VRK1: variants seen among roughly 807,000 people sequenced by gnomAD.
VRK1 encodes VRK serine/threonine kinase 1.
In VRK1, 33 loss-of-function variants were observed where a neutral mutation model predicts 57.1. The observed-to-expected ratio is 0.58, with a 90% CI of 0.44 to 0.77. The LOEUF (loss-of-function observed/expected upper bound fraction) is 0.77, where lower values mean the gene tolerates loss of function less well. VRK1 is among the 30% of genes least tolerant of loss of function. The probability of loss-of-function intolerance (pLI) is 0.00; values close to 1 mark genes in which losing one functional copy is unlikely to be tolerated. For synonymous variants in VRK1, 137 were observed against 147.8 expected, an observed-to-expected ratio of 0.93 and a Z score of 0.53; for missense variants, 413 against 477.3, an observed-to-expected ratio of 0.87 and a Z score of 1.25.
In VRK1 at chr14:96,860,631, G is replaced by A; in HGVS notation, c.964G>A (p.Asp322Asn). The A allele has an allele frequency of 6.2e-7, 1 of 1,613,254 alleles. No homozygotes were observed. The highest frequency in any genetic ancestry group is 8.5e-7 in the Non-Finnish European group (1 of 1,179,482). The stretch of plus-strand genomic sequence containing the variant: ...AAAACCTCTTTATGAAAATTTACGT[G>A]ACATTCTTTTGCAAGGACTAAAAGC... ...TEKPLYENLR[D>N]ILLQGLKAIG... Residue 322 changes from aspartate to asparagine, a missense_variant, in exon 11 of 13, where the codon GAC becomes AAC. By Grantham distance (23) the Asp-to-Asn change is conservative. Around this residue, in one of 3 missense-constraint regions of VRK1, gnomAD observed 146 missense variants for 138.2 expected, o/e 1.06. Transcript: ENST00000216639.
At position 96,833,622 on chromosome 14, in the gene VRK1, A is replaced by G. The variant is rs1237038231; in HGVS notation, c.151A>G (p.Ile51Val). 14 of 1,613,538 alleles carry G rather than the reference A, an allele frequency of 8.7e-6. No individual in the cohort carries two copies. The highest frequency in any genetic ancestry group is 1.6e-4 in the Middle Eastern group (1 of 6,082). The change falls in exon 2 of 13, where the codon ATA becomes GTA. Residue 51 changes from isoleucine to valine, a missense_variant. Around this residue, in one of 3 missense-constraint regions of VRK1, gnomAD observed 116 missense variants for 113.6 expected, o/e 1.02. Coordinates refer to ENST00000216639, the MANE Select transcript of VRK1 (RefSeq NM_003384.3). The part of the protein sequence containing the change: ...LPIGQGGFGC[I>V]YLADMNSSES... ...CATTGGCCAAGGAGGCTTTGGCTGTATATATCTTGGTAAGTGTGTGACTGC... is the reference window on the plus strand; with the variant it reads ...CATTGGCCAAGGAGGCTTTGGCTGTGTATATCTTGGTAAGTGTGTGACTGC...
intron 10 of VRK1, among the ~76,000 whole-genome samples, chr14:96,858,191 A>G (rs557659353): frequency 6.6e-6 from 1 of 152,224 alleles, no homozygotes; most frequent in East Asian, 1.9e-4. Context: ...TCCTGAGCTC[A>G]AGAGATCTTC....
chr14:96,822,663 A>T (rs1341521095), intron 1 of VRK1, among the ~76,000 whole-genome samples: 1 of 152,218 alleles, frequency 6.6e-6, no homozygotes, highest in African/African-American at 2.4e-5. Flanking sequence ...CAAATGTAAA[A>T]TCTTTGGTGA....
chr14:96,863,027 G>A (rs546798635), intron 11 of VRK1, among the ~76,000 whole-genome samples: 3 of 152,246 alleles, frequency 2.0e-5, no homozygotes, highest in East Asian at 1.9e-4. Flanking sequence ...AAGGTTTCTT[G>A]TCTATGTTTT....
chr14:96,845,062 C>G (rs187635187), intron 3 of VRK1, among the ~76,000 whole-genome samples: 1 of 152,236 alleles, frequency 6.6e-6, no homozygotes, highest in Non-Finnish European at 1.5e-5. Context: ...ACTCACTTCC[C>G]CCAATGCTCT....
rs766419357 is a variant in VRK1, at chr14:96,853,064, A to G, written c.484-10A>G. ...ACTGCATTAACTTATTCTGTATGATACTTTCATAGCTGGATATTCTGGAAT... is the reference window on the plus strand; with the variant it reads ...ACTGCATTAACTTATTCTGTATGATGCTTTCATAGCTGGATATTCTGGAAT... On this transcript the variant is annotated splice_polypyrimidine_tract_variant and intron_variant, in intron 6 of 12. Coordinates refer to ENST00000216639, the MANE Select transcript of VRK1 (RefSeq NM_003384.3). 1.2e-6 allele frequency: 2 copies of G among 1,613,398 alleles called. No individual in the cohort carries two copies. The highest frequency in any genetic ancestry group is 1.1e-5 in the South Asian group (1 of 91,076).
Position 96,806,294 on chromosome 14 carries a change from T to G in VRK1, c.-6+8847T>G, listed in dbSNP as rs146616411. ...CATCCTCCATGGGTATATAAGAGCT[T>G]CTTGGCTCTTACAGAAGTAGGCAAT... On this transcript the variant is annotated intron_variant, in intron 1 of 12. Transcript: ENST00000216639. Among the ~76,000 whole-genome samples, 601 of 152,338 alleles carry G rather than the reference T, an allele frequency of 3.9e-3. 2 individuals carry two copies. The highest frequency in any genetic ancestry group is 0.033 in the South Asian group (157 of 4,824).
intron 1 of VRK1, among the ~76,000 whole-genome samples, chr14:96,818,258 T>C (rs1886467157): frequency 6.6e-6 from 1 of 152,236 alleles, no homozygotes; most frequent in South Asian, 2.1e-4. Context: ...TTTAGAAGTT[T>C]TTTAAGGAAT....
intron 7 of VRK1, 45 bp downstream of exon 7, chr14:96,853,211 G>C (rs1888020679): frequency 1.3e-6 from 2 of 1,541,340 alleles, no homozygotes; most frequent in Non-Finnish European, 1.8e-6. Context: ...CGTGTTGTTT[G>C]AAAATAAATA....
chr14:96,872,769 A>G (rs1056782289), intron 11 of VRK1, among the ~76,000 whole-genome samples: 5 of 152,216 alleles, frequency 3.3e-5, no homozygotes, highest in Admixed American at 3.3e-4. Context: ...ATATTGTGGC[A>G]TAATAACATG....
At chr14:96,822,002 A>T (rs1886618356) in intron 1 of VRK1, among the ~76,000 whole-genome samples, 1 of 149,692 alleles carries the variant, frequency 6.7e-6, no homozygotes, top group Non-Finnish European at 1.5e-5. Flanking sequence ...TTTTGCTTAA[A>T]TGTCACTTTC....
intron 1 of VRK1, among the ~76,000 whole-genome samples, chr14:96,832,950 C>T (rs1413225306): frequency 6.6e-6 from 1 of 152,116 alleles, no homozygotes; most frequent in Non-Finnish European, 1.5e-5. Context: ...ATAATGTAAT[C>T]TTCACAGAGT....
intron 12 of VRK1, 85 bp downstream of exon 12, chr14:96,876,205 G>C: frequency 7.9e-7 from 1 of 1,267,334 alleles, no homozygotes; most frequent in Non-Finnish European, 1.2e-6. Context: ...CAACTATTTG[G>C]GTCATGACCT....
chr14:96,837,958 C>G, intron 3 of VRK1, 141 bp downstream of exon 3: 1 of 474,364 alleles, frequency 2.1e-6, no homozygotes. Context: ...TAATAAGACA[C>G]AAAAGTAGCT....
intron 1 of VRK1, among the ~76,000 whole-genome samples, chr14:96,808,676 GCTTGA>G (rs1442716456): frequency 3.9e-5 from 3 of 76,234 alleles, no homozygotes; most frequent in Non-Finnish European, 8.5e-5. Context: ...TTTTTTTTTT[GCTTGA>G]CTTCTTTTAC....
chr14:96,881,130 T>A, intron 12 of VRK1, 47 bp from the exon 13 acceptor site: 1 of 1,525,250 alleles, frequency 6.6e-7, no homozygotes, highest in Non-Finnish European at 9.0e-7. Context: ...CTTTTGCTTT[T>A]GTAAATTATT....
At chr14:96,856,036 G>A in intron 8 of VRK1, 94 bp from the exon 9 acceptor site, 1 of 1,431,520 alleles carries the variant, frequency 7.0e-7, no homozygotes, top group Non-Finnish European at 9.6e-7. Context: ...AGACTGTGGA[G>A]TTGACTTGTT....
intron 4 of VRK1, among the ~76,000 whole-genome samples, chr14:96,846,461 G>A (rs1028106305): frequency 4.6e-5 from 7 of 152,138 alleles, no homozygotes; most frequent in Non-Finnish European, 8.8e-5. Flanking sequence ...AAGGTAGAGA[G>A]CCAGAACCTC....
At position 96,816,420 on chromosome 14, in the gene VRK1, C is replaced by T. The variant is rs191565565; in HGVS notation, c.-5-17047C>T. ...CCCTTAGGTAAGATTTATTGAGATA[C>T]GTAACCACAGAATTACCCTACTTCC... On this transcript the variant is annotated intron_variant, in intron 1 of 12. Transcript: ENST00000216639. 2.3e-3 allele frequency among the ~76,000 whole-genome samples: 346 copies of T among 152,236 alleles called. 2 individuals are homozygous for T. The highest frequency in any genetic ancestry group is 2.7e-3 in the Non-Finnish European group (184 of 68,012).
Sources: gnomAD v4.1 joint callset for allele counts (sites outside exome capture counted in the v4.1 genomes callset) on GRCh38, gnomAD v4.1.1 for gene constraint, gnomAD v4.1.1 regional missense constraint, MANE v1.5 for transcripts, NCBI Gene and HGNC (gene_info 2026-07-23, HGNC 2026-07-21) for gene names.